ADAMTS6: variants seen among roughly 807,000 people sequenced by gnomAD.
ADAMTS6 encodes the protein A disintegrin and metalloproteinase with thrombospondin motifs 6.
Under a neutral mutation model 144.3 loss-of-function variants are expected in ADAMTS6, and 23 were observed. That is an observed-to-expected ratio of 0.16 (90% CI 0.11 to 0.23). The LOEUF is 0.23. Ranked by LOEUF, ADAMTS6 falls within the 10% of genes least tolerant of loss-of-function variation. The pLI is 1.00. For missense variants in ADAMTS6, 999 were observed against 1,379.6 expected, an observed-to-expected ratio of 0.72 and a Z score of 4.37; for synonymous variants, 444 against 457.5, an observed-to-expected ratio of 0.97 and a Z score of 0.38.
At position 65,371,029 on chromosome 5, in the gene ADAMTS6, G is replaced by T. The variant is rs530126658; in HGVS notation, c.1074-36944C>A. Among the ~76,000 whole-genome samples the T allele has an allele frequency of 4.5e-3, 684 of 152,112 alleles. 4 individuals carry two copies. The highest frequency in any genetic ancestry group is 0.015 in the African/African-American group (633 of 41,542). On this transcript the variant is annotated intron_variant, in intron 7 of 24. Coordinates refer to ENST00000381055, the MANE Select transcript of ADAMTS6 (RefSeq NM_197941.4). ...GCAGGGGCACACTGACACCTCACAT[G>T]GCCGGGTACTCCAACAGACCTGCAG...
chr5:65,463,791 T>C (rs912707008), intron 3 of ADAMTS6, among the ~76,000 whole-genome samples: 12 of 152,202 alleles, frequency 7.9e-5, no homozygotes, highest in African/African-American at 2.7e-4. Flanking sequence ...CTCTGAATAT[T>C]CACTTCATCT....
chr5:65,470,492 A>C (rs1455928664), intron 3 of ADAMTS6, among the ~76,000 whole-genome samples: 1 of 152,162 alleles, frequency 6.6e-6, no homozygotes, highest in African/African-American at 2.4e-5. Flanking sequence ...TGCATAAAAG[A>C]TATCTTATTT....
At chr5:65,288,276 G>A (rs558819328) in intron 11 of ADAMTS6, among the ~76,000 whole-genome samples, 9 of 151,340 alleles carry the variant, frequency 5.9e-5, no homozygotes, top group Middle Eastern at 3.4e-3. Flanking sequence ...TAGATCCTTC[G>A]GTAGTTCTTT....
intron 22 of ADAMTS6, among the ~76,000 whole-genome samples, chr5:65,183,929 C>A (rs933982479): frequency 2.0e-5 from 3 of 152,112 alleles, no homozygotes; most frequent in Non-Finnish European, 4.4e-5. Context: ...AAATTCATCT[C>A]ATTCTTTCTC....
At chr5:65,332,197 G>T (rs1284664599) in intron 8 of ADAMTS6, among the ~76,000 whole-genome samples, 1 of 150,172 alleles carries the variant, frequency 6.7e-6, no homozygotes, top group African/African-American at 2.4e-5. Flanking sequence ...TTGGTGCAAA[G>T]TAATTTGCAC....
At chr5:65,387,954 T>C (rs896426265) in intron 7 of ADAMTS6, among the ~76,000 whole-genome samples, 1 of 152,186 alleles carries the variant, frequency 6.6e-6, no homozygotes, top group African/African-American at 2.4e-5. Context: ...CTCACACCTG[T>C]AATCCCAGCA....
At chr5:65,393,448 T>C (rs1458570652) in intron 7 of ADAMTS6, among the ~76,000 whole-genome samples, 5 of 152,220 alleles carry the variant, frequency 3.3e-5, no homozygotes, top group African/African-American at 1.2e-4. Context: ...CTAGCTCTCA[T>C]CATTTCTCCA....
intron 17 of ADAMTS6, 104 bp from the exon 18 acceptor site, chr5:65,224,504 G>A (rs578205437): frequency 1.1e-4 from 110 of 1,005,074 alleles, no homozygotes; most frequent in East Asian, 6.1e-4. Context: ...TTCTCTCTTT[G>A]ACTTTGCATT....
chr5:65,407,021 A>G (rs1754576918), intron 7 of ADAMTS6, among the ~76,000 whole-genome samples: 2 of 152,172 alleles, frequency 1.3e-5, no homozygotes, highest in Non-Finnish European at 2.9e-5. Flanking sequence ...GGTGTACCTG[A>G]AAGTGACAGG....
intron 14 of ADAMTS6, among the ~76,000 whole-genome samples, chr5:65,252,346 G>A (rs776890632): frequency 2.0e-5 from 3 of 150,010 alleles, no homozygotes; most frequent in Non-Finnish European, 4.4e-5. Context: ...ATGGAGTCGC[G>A]CTCTGTTGCC....
intron 24 of ADAMTS6, among the ~76,000 whole-genome samples, chr5:65,168,070 A>G (rs1041329209): frequency 3.4e-5 from 5 of 148,732 alleles, no homozygotes; most frequent in East Asian, 3.9e-4. Flanking sequence ...AGAATATTCA[A>G]TTAGGAAAAG....
chr5:65,434,556 G>A (rs561559301), intron 7 of ADAMTS6, among the ~76,000 whole-genome samples: 1 of 152,226 alleles, frequency 6.6e-6, no homozygotes, highest in East Asian at 1.9e-4. Flanking sequence ...ATTACAATAA[G>A]ACAGTAAAGC....
intron 7 of ADAMTS6, among the ~76,000 whole-genome samples, chr5:65,373,032 A>G (rs951175717): frequency 2.0e-5 from 3 of 152,248 alleles, no homozygotes; most frequent in African/African-American, 7.2e-5. Flanking sequence ...AAATGAAGGC[A>G]GAAACAAAGA....
intron 10 of ADAMTS6, among the ~76,000 whole-genome samples, chr5:65,298,057 C>T (rs1743010802): frequency 6.6e-6 from 1 of 152,080 alleles, no homozygotes; most frequent in Non-Finnish European, 1.5e-5. Flanking sequence ...TTTATTGAAA[C>T]TAGTAATACT....
At chr5:65,449,041 A>T (rs1317923423) in intron 7 of ADAMTS6, among the ~76,000 whole-genome samples, 2 of 152,172 alleles carry the variant, frequency 1.3e-5, no homozygotes, top group Non-Finnish European at 2.9e-5. Flanking sequence ...AAAAATAACA[A>T]TTTTTAAATA....
At chr5:65,175,627 A>G (rs1411004766) in intron 22 of ADAMTS6, among the ~76,000 whole-genome samples, 3 of 152,172 alleles carry the variant, frequency 2.0e-5, no homozygotes, top group African/African-American at 7.2e-5. Context: ...TGCTTTGCTA[A>G]CAGAAGAAAG....
intron 11 of ADAMTS6, among the ~76,000 whole-genome samples, chr5:65,279,605 C>T (rs1762832962): frequency 6.6e-6 from 1 of 152,212 alleles, no homozygotes; most frequent in African/African-American, 2.4e-5. Flanking sequence ...GCATGAGCCA[C>T]TCTGCCTGGG....
chr5:65,471,807 T>C (rs1334359451), intron 2 of ADAMTS6, among the ~76,000 whole-genome samples: 2 of 151,308 alleles, frequency 1.3e-5, no homozygotes, highest in Admixed American at 6.6e-5. Flanking sequence ...TCAATGGGAA[T>C]GTAAAATGCT....
At chr5:65,352,970 T>C (rs1039208023) in intron 7 of ADAMTS6, among the ~76,000 whole-genome samples, 12 of 152,178 alleles carry the variant, frequency 7.9e-5, no homozygotes, top group African/African-American at 2.4e-4. Context: ...CATTCACTAT[T>C]GAGCACAATG....
Sources: gnomAD v4.1 joint callset for allele counts (sites outside exome capture counted in the v4.1 genomes callset) on GRCh38, gnomAD v4.1.1 for gene constraint, MANE v1.5 for transcripts, NCBI Gene and HGNC (gene_info 2026-07-23, HGNC 2026-07-21) for gene names.